EGFR: variants seen among roughly 807,000 people sequenced by gnomAD.
EGFR encodes avian erythroblastic leukemia viral (v-erb-b) oncogene homolog.
In EGFR, 58 loss-of-function variants were observed where a neutral mutation model predicts 143.0. The ratio of observed to expected loss-of-function variants is 0.41; its 90% CI spans 0.33 to 0.50. EGFR has a LOEUF of 0.50. Ranked by LOEUF, EGFR falls within the 20% of genes least tolerant of loss-of-function variation. EGFR has a pLI of 0.39. For missense variants in EGFR, 1,307 were observed against 1,579.0 expected, an observed-to-expected ratio of 0.83 and a Z score of 2.92; for synonymous variants, 613 against 594.4, an observed-to-expected ratio of 1.03 and a Z score of -0.45.
chr7:55,067,238 T>A (rs948581552), intron 1 of EGFR, among the ~76,000 whole-genome samples: 1 of 152,058 alleles, frequency 6.6e-6, no homozygotes, highest in African/African-American at 2.4e-5. Flanking sequence ...CTCAAGGTGG[T>A]TGTGTCTGCA....
Position 55,205,687 on chromosome 7 carries a change from C to G in EGFR, c.*70C>G, listed in dbSNP as rs1788083497. 6.2e-7 allele frequency: 1 copy of G among 1,612,190 alleles called. No individual in the cohort carries two copies. Among genetic ancestry groups the G allele is most frequent in the East Asian group, 2.2e-5 (1 of 44,888 alleles). ...ACCCAGGACCAAGCCACAGCAGGTCCTCCATCCCAACAGCCATGCCCGCAT... is the reference window on the plus strand; with the variant it reads ...ACCCAGGACCAAGCCACAGCAGGTCGTCCATCCCAACAGCCATGCCCGCAT... On this transcript the variant is annotated 3_prime_UTR_variant, in exon 28 of 28. Transcript: ENST00000275493.
intron 4 of EGFR, among the ~76,000 whole-genome samples, chr7:55,148,382 A>T (rs1448503243): frequency 2.0e-5 from 3 of 152,214 alleles, no homozygotes; most frequent in Non-Finnish European, 4.4e-5. Context: ...ACTGTGGGAA[A>T]GACCCACAGA....
chr7:55,065,596 T>C (rs1028856663), intron 1 of EGFR, among the ~76,000 whole-genome samples: 3 of 152,198 alleles, frequency 2.0e-5, no homozygotes, highest in African/African-American at 7.2e-5. Context: ...GAATAAGAAA[T>C]GGCTTGAGAT....
In EGFR at chr7:55,065,692, TG is replaced by T. The variant is rs535822015; in HGVS notation, c.88+46332del. Among the ~76,000 whole-genome samples, 388 of 152,280 alleles carry T rather than the reference TG, an allele frequency of 2.5e-3. 2 individuals are homozygous for T. Among genetic ancestry groups the T allele is most frequent in the Non-Finnish European group, 3.9e-3 (262 of 68,012 alleles). ...GAGTTCAAGCGTCCCCAGAAGGTGT[TG>T]GGGGAATTAGGGACATGGCTGTGTT... is the stretch of plus-strand genomic sequence containing the variant. On this transcript the variant is annotated intron_variant, in intron 1 of 27. Transcript: ENST00000275493.
At chr7:55,130,982 C>T (rs570434106) in intron 1 of EGFR, among the ~76,000 whole-genome samples, 8 of 152,292 alleles carry the variant, frequency 5.3e-5, no homozygotes, top group South Asian at 4.1e-4. Flanking sequence ...GAGAAAGGGA[C>T]GGGATTCCTC....
intron 1 of EGFR, among the ~76,000 whole-genome samples, chr7:55,092,279 A>G (rs1185955084): frequency 4.6e-5 from 7 of 152,146 alleles, no homozygotes; most frequent in Non-Finnish European, 7.4e-5. Context: ...GAGTCCTACA[A>G]TGTATTTGAG....
rs1266905684 is a variant in EGFR, at chr7:55,174,049, G to T, written c.2184+6G>T. On this transcript the variant is annotated splice_donor_region_variant and intron_variant, in intron 18 of 27. Coordinates refer to ENST00000275493, the MANE Select transcript of EGFR (RefSeq NM_005228.5). Reference sequence around the variant, plus strand: ...CGTTCGGCACGGTGTATAAGGTAAGGTCCCTGGCACAGGCCTCTGGGCTGG... The same window carrying T: ...CGTTCGGCACGGTGTATAAGGTAAGTTCCCTGGCACAGGCCTCTGGGCTGG... 1.2e-6 allele frequency: 2 copies of T among 1,614,088 alleles called. No individual in the cohort carries two copies. Among genetic ancestry groups the T allele is most frequent in the South Asian group, 2.2e-5 (2 of 91,088 alleles).
intron 1 of EGFR, among the ~76,000 whole-genome samples, chr7:55,083,598 G>A (rs141759449): frequency 6.6e-6 from 1 of 152,340 alleles, no homozygotes; most frequent in East Asian, 1.9e-4. Flanking sequence ...GTGCGCATGT[G>A]TGTACAATTA....
chr7:55,077,194 C>A (rs1293171084), intron 1 of EGFR, among the ~76,000 whole-genome samples: 1 of 152,080 alleles, frequency 6.6e-6, no homozygotes, highest in Non-Finnish European at 1.5e-5. Context: ...GTAAGCCTAG[C>A]AGAAAATATG....
At position 55,207,146 on chromosome 7, in the gene EGFR, T is replaced by G. The variant is rs776825406; in HGVS notation, c.*1529T>G. On this transcript the variant is annotated 3_prime_UTR_variant, in exon 28 of 28. Coordinates refer to ENST00000275493, the MANE Select transcript of EGFR (RefSeq NM_005228.5). ...CCTAGTCAATATCCACCCCATCCAA[T>G]TTATCAAGGAAGAAATGGTTCAGAA... 4.3e-6 allele frequency: 1 copy of G among 232,762 alleles called. No individual in the cohort carries two copies. The highest frequency in any genetic ancestry group is 5.6e-5 in the Admixed American group (1 of 17,790). 14.4% of individuals were successfully genotyped at this position (232,762 alleles called of 1,614,324 possible).
chr7:55,030,279 C>T (rs1321779873), intron 1 of EGFR, among the ~76,000 whole-genome samples: 1 of 152,166 alleles, frequency 6.6e-6, no homozygotes, highest in Non-Finnish European at 1.5e-5. Context: ...TAAAGTATTC[C>T]TCAAAATTTG....
At position 55,094,773 on chromosome 7, in the gene EGFR, G is replaced by A. The variant is rs529872111; in HGVS notation, c.89-47513G>A. 1.2e-4 allele frequency among the ~76,000 whole-genome samples: 18 copies of A among 152,256 alleles called. No homozygotes were observed. In the South Asian group the frequency reaches 3.5e-3, roughly 30 times the overall value. ...TATTTCTATACATCTTAATTGATAT[G>A]GGATTACATTTTCACTTGTGTTTAC... On this transcript the variant is annotated intron_variant, in intron 1 of 27. Coordinates refer to ENST00000275493, the MANE Select transcript of EGFR (RefSeq NM_005228.5).
In EGFR at chr7:55,166,844, G is replaced by A. The variant is rs1201360334; in HGVS notation, c.1880+1407G>A. Among the ~76,000 whole-genome samples, 19 of 101,988 alleles carry A rather than the reference G, an allele frequency of 1.9e-4. 1 individual carries two copies. The highest frequency in any genetic ancestry group is 5.4e-4 in the African/African-American group (17 of 31,516). 66.9% of individuals were successfully genotyped at this position (101,988 alleles called of 152,430 possible). ...AGTCACAATGGTGGCAGTGTTGGTG[G>A]TGAGGAGGTGGGAGTCACAATGGTG... On this transcript the variant is annotated intron_variant, in intron 15 of 27. Coordinates refer to ENST00000275493, the MANE Select transcript of EGFR (RefSeq NM_005228.5).
intron 1 of EGFR, among the ~76,000 whole-genome samples, chr7:55,044,540 A>G (rs865949384): frequency 6.6e-6 from 1 of 152,212 alleles, no homozygotes; most frequent in Non-Finnish European, 1.5e-5. Context: ...AGAAGTCACC[A>G]TGCATTTGTG....
intron 1 of EGFR, among the ~76,000 whole-genome samples, chr7:55,076,888 A>G (rs1418936358): frequency 6.6e-6 from 1 of 152,104 alleles, no homozygotes; most frequent in East Asian, 1.9e-4. Flanking sequence ...ATCAATAAAT[A>G]TATGACAAAT....
intron 1 of EGFR, among the ~76,000 whole-genome samples, chr7:55,133,483 T>C (rs540524702): frequency 4.6e-5 from 7 of 152,194 alleles, no homozygotes; most frequent in Non-Finnish European, 8.8e-5. Flanking sequence ...AGAGCTGGCT[T>C]CCTGAAGTCA....
intron 1 of EGFR, among the ~76,000 whole-genome samples, chr7:55,140,642 T>G (rs2128925035): frequency 6.6e-6 from 1 of 152,310 alleles, no homozygotes; most frequent in African/African-American, 2.4e-5. Flanking sequence ...GCAACCTCAT[T>G]TCCCCCATAC....
At chr7:55,090,461 T>A (rs1791045942) in intron 1 of EGFR, among the ~76,000 whole-genome samples, 1 of 152,160 alleles carries the variant, frequency 6.6e-6, no homozygotes, top group African/African-American at 2.4e-5. Context: ...TTCTTCAAGG[T>A]CCTATGTGTA....
At chr7:55,112,537 T>G (rs1232859372) in intron 1 of EGFR, among the ~76,000 whole-genome samples, 1 of 152,194 alleles carries the variant, frequency 6.6e-6, no homozygotes, top group Non-Finnish European at 1.5e-5. Context: ...GATCTCACAG[T>G]AGACAGGAAG....
Sources: allele counts gnomAD v4.1 joint callset (sites outside exome capture counted in the v4.1 genomes callset), GRCh38; gene constraint gnomAD v4.1.1; transcripts MANE v1.5; gene names NCBI Gene and HGNC (gene_info 2026-07-23, HGNC 2026-07-21).